Variants in AGBL4 observed in about 807,000 individuals in gnomAD.
The protein encoded by AGBL4 is AGBL carboxypeptidase 4.
AGBL4 carries 58 observed loss-of-function variants against 66.4 expected under a neutral mutation model. The ratio of observed to expected loss-of-function variants is 0.87; its 90% CI spans 0.71 to 1.09. AGBL4 has a LOEUF of 1.09. AGBL4 is among the 50% of genes least tolerant of loss of function. AGBL4 has a pLI of 0.00. For synonymous variants in AGBL4, 234 were observed against 222.9 expected, an observed-to-expected ratio of 1.05 and a Z score of -0.44; for missense variants, 579 against 631.0, an observed-to-expected ratio of 0.92 and a Z score of 0.88.
chr1:49,759,445 T>C (rs1652140164), intron 2 of AGBL4, among the ~76,000 whole-genome samples: 1 of 152,100 alleles, frequency 6.6e-6, no homozygotes, highest in Non-Finnish European at 1.5e-5. Flanking sequence ...GGGGAAACAA[T>C]GACAAAACAG....
intron 6 of AGBL4, among the ~76,000 whole-genome samples, chr1:48,866,424 A>G (rs929552232): frequency 6.6e-6 from 1 of 152,344 alleles, no homozygotes; most frequent in Admixed American, 6.5e-5. Context: ...AATGCCTAGC[A>G]TAGCAGATGG....
intron 5 of AGBL4, among the ~76,000 whole-genome samples, chr1:48,973,749 T>C (rs1156740019): frequency 2.0e-5 from 3 of 152,196 alleles, no homozygotes; most frequent in Non-Finnish European, 2.9e-5. Flanking sequence ...ATTTATTCGA[T>C]GACTTCAACT....
intron 6 of AGBL4, among the ~76,000 whole-genome samples, chr1:48,835,131 G>T (rs945580732): frequency 1.3e-5 from 2 of 152,010 alleles, no homozygotes; most frequent in African/African-American, 4.8e-5. Context: ...CAGAAACAAA[G>T]GTCTCTAAGC....
chr1:49,440,189 C>T (rs886092900), intron 3 of AGBL4, among the ~76,000 whole-genome samples: 2 of 151,258 alleles, frequency 1.3e-5, no homozygotes, highest in Non-Finnish European at 2.9e-5. Flanking sequence ...CCTGCCTCAA[C>T]CTCCCAAGTA....
At chr1:49,383,858 G>A (rs996089152) in intron 3 of AGBL4, among the ~76,000 whole-genome samples, 7 of 151,784 alleles carry the variant, frequency 4.6e-5, no homozygotes, top group South Asian at 2.1e-4. Context: ...GTACAGTGGC[G>A]TGATCTTGGC....
At chr1:49,450,849 G>T (rs1250740448) in intron 3 of AGBL4, among the ~76,000 whole-genome samples, 6 of 152,026 alleles carry the variant, frequency 3.9e-5, no homozygotes, top group Non-Finnish European at 8.8e-5. Flanking sequence ...ATACTCAGCT[G>T]CAAAGCCATC....
intron 2 of AGBL4, chr1:49,845,927 G>T: frequency 6.8e-7 from 1 of 1,472,004 alleles, no homozygotes; most frequent in South Asian, 1.1e-5. Flanking sequence ...CAAATGCAAT[G>T]ACTGCAGCAA....
chr1:48,990,930 T>G (rs558786846), intron 5 of AGBL4, among the ~76,000 whole-genome samples: 2 of 152,314 alleles, frequency 1.3e-5, no homozygotes, highest in Admixed American at 1.3e-4. Flanking sequence ...TATATATGTC[T>G]TGAAAAGTTG....
intron 5 of AGBL4, among the ~76,000 whole-genome samples, chr1:48,962,708 A>G (rs947228942): frequency 5.9e-5 from 9 of 152,210 alleles, no homozygotes; most frequent in African/African-American, 2.2e-4. Context: ...CTGGAGGGGC[A>G]CAGACTTGAG....
intron 8 of AGBL4, among the ~76,000 whole-genome samples, chr1:48,650,616 A>AAACAAAGTTC (rs1557854231): frequency 6.6e-6 from 1 of 152,198 alleles, no homozygotes; most frequent in African/African-American, 2.4e-5. Flanking sequence ...TAACAAAGTT[A>AAACAAAGTTC]AACAAAGTTC....
At chr1:49,365,646 T>C (rs1327935276) in intron 3 of AGBL4, among the ~76,000 whole-genome samples, 1 of 152,010 alleles carries the variant, frequency 6.6e-6, no homozygotes, top group East Asian at 1.9e-4. Context: ...CAAATACTTG[T>C]TTGTTTTTCC....
intron 4 of AGBL4, among the ~76,000 whole-genome samples, chr1:49,096,331 TTTACTGGG>T (rs1645101495): frequency 6.8e-6 from 1 of 146,310 alleles, no homozygotes; most frequent in Admixed American, 6.9e-5. Context: ...CAGCCATCCC[TTTACTGGG>T]TATATACCCA....
chr1:48,966,851 A>G (rs1488521842), intron 5 of AGBL4, among the ~76,000 whole-genome samples: 1 of 152,220 alleles, frequency 6.6e-6, no homozygotes, highest in South Asian at 2.1e-4. Context: ...TACACCAGGC[A>G]GAAAAATTTT....
chr1:49,860,909 C>A (rs1371086758), intron 1 of AGBL4, among the ~76,000 whole-genome samples: 2 of 152,088 alleles, frequency 1.3e-5, no homozygotes, highest in African/African-American at 2.4e-5. Context: ...CTGAAGAGAT[C>A]ACAAAAACAG....
intron 3 of AGBL4, among the ~76,000 whole-genome samples, chr1:49,497,861 T>C (rs1252921156): frequency 1.3e-5 from 2 of 152,048 alleles, no homozygotes; most frequent in Non-Finnish European, 2.9e-5. Flanking sequence ...TTTCAAGTCT[T>C]CTGTAGTCCC....
At chr1:49,363,037 T>C (rs1348123432) in intron 3 of AGBL4, among the ~76,000 whole-genome samples, 1 of 152,126 alleles carries the variant, frequency 6.6e-6, no homozygotes, top group African/African-American at 2.4e-5. Context: ...CAAGGTCTCC[T>C]GGATGGAGAC....
intron 3 of AGBL4, among the ~76,000 whole-genome samples, chr1:49,373,243 G>A (rs183886570): frequency 6.6e-5 from 10 of 152,244 alleles, no homozygotes; most frequent in South Asian, 4.1e-4. Flanking sequence ...AGCAAAAACC[G>A]TACTTTATTC....
In AGBL4 at chr1:49,244,641, A is replaced by G. The variant is rs542338035; in HGVS notation, c.377+1129T>C. On this transcript the variant is annotated intron_variant, in intron 4 of 13. Transcript: ENST00000371839. ...TTTGGAGACTATCTTCTCACTAGTC[A>G]TTAATATTTGAACAGAGATCAAAGC... Among the ~76,000 whole-genome samples, 82 of 151,956 alleles carry G rather than the reference A, an allele frequency of 5.4e-4. 2 individuals are homozygous for G. In the South Asian group the frequency reaches 0.016, roughly 29 times the overall value.
intron 6 of AGBL4, among the ~76,000 whole-genome samples, chr1:48,696,483 G>A (rs1400280789): frequency 6.6e-6 from 1 of 152,130 alleles, no homozygotes; most frequent in Non-Finnish European, 1.5e-5. Context: ...GAGGCCCAAG[G>A]TCATACCTGG....
Sources: gnomAD v4.1 joint callset for allele counts (sites outside exome capture counted in the v4.1 genomes callset) on GRCh38, gnomAD v4.1.1 for gene constraint, MANE v1.5 for transcripts, NCBI Gene and HGNC (gene_info 2026-07-23, HGNC 2026-07-21) for gene names.